CNTNAP5: variants seen among roughly 807,000 people sequenced by gnomAD.
CNTNAP5 encodes contactin associated protein family member 5, also known as contactin-associated protein-like 5.
CNTNAP5 carries 72 observed loss-of-function variants against 150.2 expected under a neutral mutation model. The observed-to-expected ratio is 0.48, with a 90% CI of 0.40 to 0.58. The LOEUF is 0.58. Ranked by LOEUF, CNTNAP5 falls within the 20% of genes least tolerant of loss-of-function variation. The pLI is 0.00. For synonymous variants in CNTNAP5, 672 were observed against 619.8 expected, an observed-to-expected ratio of 1.08 and a Z score of -1.25; for missense variants, 1,636 against 1,626.2, an observed-to-expected ratio of 1.01 and a Z score of -0.10.
chr2:124,680,974 G>T (rs1424266561), intron 13 of CNTNAP5: 1 of 151,532 alleles, frequency 6.6e-6, no homozygotes, highest in African/African-American at 2.4e-5. Flanking sequence ...ACCAGTGGAT[G>T]ACTCTAATCC....
intron 19 of CNTNAP5, among the ~76,000 whole-genome samples, chr2:124,859,101 T>C (rs1424291773): frequency 6.6e-6 from 1 of 151,836 alleles, no homozygotes; most frequent in South Asian, 2.1e-4. Flanking sequence ...CAAAAGAAAC[T>C]ACCATCAGAG....
intron 8 of CNTNAP5, among the ~76,000 whole-genome samples, chr2:124,506,348 A>T (rs115406860): frequency 1.3e-5 from 2 of 152,136 alleles, no homozygotes; most frequent in Non-Finnish European, 2.9e-5. Flanking sequence ...AAAAAAAATG[A>T]CTTTAAACAA....
At chr2:124,692,853 C>T (rs1273904323) in intron 13 of CNTNAP5, among the ~76,000 whole-genome samples, 5 of 152,066 alleles carry the variant, frequency 3.3e-5, no homozygotes, top group Non-Finnish European at 7.4e-5. Context: ...AGAATGAGCG[C>T]CAATGGTCTC....
intron 14 of CNTNAP5, among the ~76,000 whole-genome samples, chr2:124,752,016 C>A (rs893504169): frequency 6.6e-6 from 1 of 152,108 alleles, no homozygotes; most frequent in Non-Finnish European, 1.5e-5. Flanking sequence ...TTAGCTGAAT[C>A]TAAGGATGCC....
chr2:124,792,315 CA>C (rs1387020902), intron 18 of CNTNAP5, among the ~76,000 whole-genome samples: 1 of 152,024 alleles, frequency 6.6e-6, no homozygotes, highest in Non-Finnish European at 1.5e-5. Context: ...ACAAATAGAG[CA>C]GGTATTAAAA....
chr2:124,716,508 TA>T (rs1157816981), intron 13 of CNTNAP5, among the ~76,000 whole-genome samples: 3 of 151,622 alleles, frequency 2.0e-5, no homozygotes, highest in Non-Finnish European at 4.4e-5. Flanking sequence ...ATAATTATAT[TA>T]AAAATTCTAA....
chr2:124,712,232 C>A (rs1408433204), intron 13 of CNTNAP5, among the ~76,000 whole-genome samples: 1 of 152,202 alleles, frequency 6.6e-6, no homozygotes. Flanking sequence ...GTAGTGTAAT[C>A]ATAATAATAA....
At chr2:124,463,819 G>A (rs1693312161) in intron 6 of CNTNAP5, among the ~76,000 whole-genome samples, 1 of 152,162 alleles carries the variant, frequency 6.6e-6, no homozygotes, top group Non-Finnish European at 1.5e-5. Flanking sequence ...AAGCTAGGGG[G>A]ACACTGTGTG....
chr2:124,046,627 A>T (rs533701823), intron 1 of CNTNAP5, among the ~76,000 whole-genome samples: 4 of 152,280 alleles, frequency 2.6e-5, no homozygotes, highest in Admixed American at 2.0e-4. Flanking sequence ...TTAACTAATC[A>T]TGTTCCTACC....
At chr2:124,401,625 C>T (rs1485295437) in intron 3 of CNTNAP5, among the ~76,000 whole-genome samples, 5 of 152,194 alleles carry the variant, frequency 3.3e-5, no homozygotes, top group Non-Finnish European at 7.3e-5. Context: ...ATAACTTTAT[C>T]AATGCCCTTT....
chr2:124,113,654 G>T (rs1228575415), intron 1 of CNTNAP5, among the ~76,000 whole-genome samples: 1 of 151,766 alleles, frequency 6.6e-6, no homozygotes, highest in Admixed American at 6.6e-5. Flanking sequence ...TAAATGAAAA[G>T]ATAAGTTCTT....
chr2:124,212,523 AT>A (rs1312260378), intron 1 of CNTNAP5, among the ~76,000 whole-genome samples: 3 of 152,158 alleles, frequency 2.0e-5, no homozygotes, highest in Non-Finnish European at 4.4e-5. Context: ...GAAACTTCTA[AT>A]TTTTTTGGTT....
intron 3 of CNTNAP5, among the ~76,000 whole-genome samples, chr2:124,296,089 G>A (rs1688423708): frequency 6.6e-6 from 1 of 151,526 alleles, no homozygotes; most frequent in African/African-American, 2.4e-5. Context: ...TTTTTTATAT[G>A]TATATCTTAC....
rs1450733979 is a variant in CNTNAP5 at position 124,859,736 on chromosome 2, AG to A, written c.3218-5568del. On this transcript the variant is annotated intron_variant, in intron 19 of 23. Coordinates refer to ENST00000682447, the MANE Select transcript of CNTNAP5 (RefSeq NM_001367498.1). The stretch of plus-strand genomic sequence containing the variant: ...ATGGAATACTATGCAGCCATAAAAA[AG>A]GATGAGTTCATGTCCTTTGTAGGGA... Among the ~76,000 whole-genome samples, 3 of 152,112 alleles carry A rather than the reference AG, an allele frequency of 2.0e-5. No homozygotes were observed. In the East Asian group the frequency reaches 5.8e-4, roughly 30 times the overall value.
At chr2:124,044,679 C>T (rs1681477247) in intron 1 of CNTNAP5, among the ~76,000 whole-genome samples, 1 of 152,002 alleles carries the variant, frequency 6.6e-6, no homozygotes, top group African/African-American at 2.4e-5. Context: ...TCTGATAGTT[C>T]CCCAGTGTGC....
intron 8 of CNTNAP5, among the ~76,000 whole-genome samples, chr2:124,510,518 T>TATATACACACACACAC (rs10641959): frequency 4.0e-5 from 5 of 124,918 alleles, no homozygotes; most frequent in African/African-American, 1.6e-4. Flanking sequence ...TATATATATA[T>TATATACACACACACAC]ACATATATCT....
At chr2:124,436,878 A>T (rs750923892) in intron 5 of CNTNAP5, among the ~76,000 whole-genome samples, 1 of 152,080 alleles carries the variant, frequency 6.6e-6, no homozygotes, top group Non-Finnish European at 1.5e-5. Context: ...CCTTTCTATC[A>T]GTTTACCACA....
intron 3 of CNTNAP5, among the ~76,000 whole-genome samples, chr2:124,300,298 C>T (rs990884410): frequency 6.6e-6 from 1 of 152,142 alleles, no homozygotes; most frequent in African/African-American, 2.4e-5. Flanking sequence ...TCACTGAACC[C>T]AAACATTTCC....
chr2:124,543,725 A>G (rs1695443428), intron 10 of CNTNAP5, among the ~76,000 whole-genome samples: 1 of 152,080 alleles, frequency 6.6e-6, no homozygotes, highest in Admixed American at 6.6e-5. Context: ...CTTAAACAAC[A>G]TTGTTATTCA....
Sources: allele counts gnomAD v4.1 joint callset (sites outside exome capture counted in the v4.1 genomes callset), GRCh38; gene constraint gnomAD v4.1.1; transcripts MANE v1.5; gene names NCBI Gene and HGNC (gene_info 2026-07-23, HGNC 2026-07-21).